Variants in ATAD1 observed in about 807,000 individuals in gnomAD.
ATAD1 encodes ATPase family AAA domain containing 1, also known as outer mitochondrial transmembrane helix translocase.
ATAD1 carries 18 observed loss-of-function variants against 42.7 expected under a neutral mutation model. The observed-to-expected ratio is 0.42, with a 90% confidence interval of 0.29 to 0.63. ATAD1 has a LOEUF of 0.63. Among genes scored for constraint, ATAD1 ranks in the 20% least tolerant of loss-of-function variants. The probability of loss-of-function intolerance (pLI) is 0.19; values close to 1 mark genes in which losing one functional copy is unlikely to be tolerated. For missense variants in ATAD1, 294 were observed against 440.4 expected (o/e 0.67, Z 2.98); for synonymous variants, 132 against 143.1 (o/e 0.92, Z 0.55).
intron 6 of ATAD1, among the ~76,000 whole-genome samples, chr10:87,774,761 A>G (rs1296064674): frequency 2.0e-5 from 3 of 152,102 alleles, no homozygotes; most frequent in Non-Finnish European, 2.9e-5. Context: ...GACCAGCCTG[A>G]GCAAGATAAT....
intron 7 of ATAD1, among the ~76,000 whole-genome samples, chr10:87,768,596 C>T (rs1854878244): frequency 6.6e-6 from 1 of 152,094 alleles, no homozygotes; most frequent in Non-Finnish European, 1.5e-5. Context: ...ACCTATAAAG[C>T]GTATTCACTA....
chr10:87,816,052 AT>A (rs1857401384), intron 1 of ATAD1, among the ~76,000 whole-genome samples: 1 of 152,150 alleles, frequency 6.6e-6, no homozygotes, highest in African/African-American at 2.4e-5. Context: ...TTCAAATCAC[AT>A]GAATCTTCGT....
chr10:87,759,678 G>C (rs1854391922), intron 8 of ATAD1: 1 of 417,548 alleles, frequency 2.4e-6, no homozygotes, highest in Admixed American at 2.9e-5. Context: ...GGGGGAGCAA[G>C]ATTTAATTAA....
chr10:87,775,025 TA>T (rs1855226511), intron 6 of ATAD1, among the ~76,000 whole-genome samples: 2 of 152,040 alleles, frequency 1.3e-5, no homozygotes, highest in African/African-American at 4.8e-5. Context: ...CAGAAGGAGA[TA>T]AAACATGGAG....
rs1317538701 is a variant in ATAD1, at chr10:87,752,688, T to C, written c.*1999A>G. 2.6e-5 allele frequency: 4 copies of C among 152,154 alleles called. No individual in the cohort carries two copies. The highest frequency in any genetic ancestry group is 9.7e-5 in the African/African-American group (4 of 41,438). 9.4% of individuals were successfully genotyped at this position (152,154 alleles called of 1,614,324 possible). A position where few individuals can be genotyped will look rare whatever the true frequency, so the allele number is the denominator to read the frequency against. On this transcript the variant is annotated 3_prime_UTR_variant, in exon 10 of 10. Transcript: ENST00000680024. The stretch of plus-strand genomic sequence containing the variant: ...CATGTCTAAAACAGAAGGATAGATG[T>C]TACATAACACTAAAAGTTATTTAAA...
intron 3 of ATAD1, among the ~76,000 whole-genome samples, chr10:87,792,070 A>G: frequency 6.6e-6 from 1 of 152,240 alleles, no homozygotes; most frequent in Non-Finnish European, 1.5e-5. Context: ...GCGTACAGAA[A>G]AGAGTTAACA....
chr10:87,754,735 T>G lies in ATAD1; in HGVS notation c.1038A>C (p.Ser346=). 6.2e-7 allele frequency: 1 copy of G among 1,613,852 alleles called. No homozygotes were observed. Among genetic ancestry groups the G allele is most frequent in the Non-Finnish European group, 8.5e-7 (1 of 1,179,812 alleles). The change falls in exon 10 of 10, where the codon TCA becomes TCC. Residue 346 remains serine (S), a synonymous_variant. Transcript: ENST00000680024. ...LHRAIEKMKK[S]KDAAFQNVLT... is the part of the protein sequence containing the mutation. The stretch of plus-strand genomic sequence containing the variant: ...AAACATTCTGAAATGCTGCATCCTT[T>G]GATTTCTTCATCTTTTCAATTGCCC...
At chr10:87,777,776 T>C (rs1391424078) in intron 5 of ATAD1, among the ~76,000 whole-genome samples, 1 of 152,198 alleles carries the variant, frequency 6.6e-6, no homozygotes, top group East Asian at 1.9e-4. Context: ...TATCTTGTAA[T>C]GTGCTATGTC....
At chr10:87,786,783 C>G (rs796857960) in intron 4 of ATAD1, among the ~76,000 whole-genome samples, 5 of 151,948 alleles carry the variant, frequency 3.3e-5, no homozygotes, top group African/African-American at 1.2e-4. Context: ...GGTGAAACCC[C>G]GACTCTACCA....
intron 9 of ATAD1, among the ~76,000 whole-genome samples, chr10:87,756,039 A>AT (rs1854207741): frequency 6.6e-6 from 1 of 152,172 alleles, no homozygotes; most frequent in East Asian, 1.9e-4. Context: ...CTCGCAAAAC[A>AT]TTTTTTTGCT....
At chr10:87,800,692 GGCT>G (rs1423161108) in intron 2 of ATAD1, among the ~76,000 whole-genome samples, 1 of 152,102 alleles carries the variant, frequency 6.6e-6, no homozygotes, top group Non-Finnish European at 1.5e-5. Flanking sequence ...TGAGTTACAT[GGCT>G]TTGACTTCTG....
At chr10:87,834,857 C>T (rs1023506061) in intron 1 of ATAD1, among the ~76,000 whole-genome samples, 12 of 151,874 alleles carry the variant, frequency 7.9e-5, no homozygotes, top group South Asian at 2.1e-4. Flanking sequence ...AGATCAGTGA[C>T]GTGAGAACTT....
intron 1 of ATAD1, among the ~76,000 whole-genome samples, chr10:87,826,021 C>T (rs943594080): frequency 4.6e-5 from 7 of 152,140 alleles, no homozygotes; most frequent in Non-Finnish European, 7.3e-5. Flanking sequence ...GCTGATTTTA[C>T]GTGTTTAAGG....
chr10:87,824,655 A>G lies in ATAD1; in HGVS notation c.-13-10043T>C, dbSNP rs1857693029. ...TTATACGATGAGGTGATATTCTCTC[A>G]TTCCTAGATTCTGTAAGGACAATGA... is the stretch of plus-strand genomic sequence containing the variant. On this transcript the variant is annotated intron_variant, in intron 1 of 4. Transcript: ENST00000495903. Among the ~76,000 whole-genome samples the G allele has an allele frequency of 2.0e-5, 3 of 152,174 alleles. No individual in the cohort carries two copies. In the South Asian group the frequency reaches 6.2e-4, roughly 32 times the overall value.
chr10:87,822,408 A>G (rs1475931575), upstream of ATAD1, among the ~76,000 whole-genome samples: 1 of 152,222 alleles, frequency 6.6e-6, no homozygotes, highest in Non-Finnish European at 1.5e-5. Context: ...TGAAGCTCCA[A>G]TAGAAAGATA....
intron 1 of ATAD1, chr10:87,831,982 C>A (rs1014044852): frequency 2.0e-5 from 3 of 151,804 alleles, no homozygotes; most frequent in Non-Finnish European, 4.4e-5. Flanking sequence ...GTCCTAAAGC[C>A]AGGATTGTAC....
At chr10:87,799,191 G>A (rs1856560388) in intron 2 of ATAD1, among the ~76,000 whole-genome samples, 1 of 152,070 alleles carries the variant, frequency 6.6e-6, no homozygotes, top group Non-Finnish European at 1.5e-5. Flanking sequence ...ATTTTTGTTT[G>A]CATTTATTAA....
intron 2 of ATAD1, among the ~76,000 whole-genome samples, chr10:87,800,109 A>C (rs533354855): frequency 6.6e-6 from 1 of 151,974 alleles, no homozygotes; most frequent in Admixed American, 6.5e-5. Context: ...AGAACAAAGA[A>C]ACTTTTATAT....
chr10:87,755,771 T>C (rs1854192689), intron 9 of ATAD1, among the ~76,000 whole-genome samples: 1 of 151,930 alleles, frequency 6.6e-6, no homozygotes, highest in African/African-American at 2.4e-5. Context: ...TAGCCGGGCA[T>C]GGTGATGGGC....
Sources: allele counts gnomAD v4.1 joint callset (sites outside exome capture counted in the v4.1 genomes callset), GRCh38; gene constraint gnomAD v4.1.1; transcripts MANE v1.5; gene names NCBI Gene and HGNC (gene_info 2026-07-23, HGNC 2026-07-21).